PSMC6: variants seen among roughly 807,000 people sequenced by gnomAD.
PSMC6 encodes the protein proteasome 26S subunit, ATPase 6, also known as 26S proteasome regulatory subunit 10B.
Under a neutral mutation model 55.9 loss-of-function variants are expected in PSMC6, and 3 were observed. The ratio of observed to expected loss-of-function variants is 0.05; its 90% CI spans 0.02 to 0.14. The LOEUF is 0.14. Among genes scored for constraint, PSMC6 ranks in the 10% least tolerant of loss-of-function variants. The probability of loss-of-function intolerance (pLI) is 1.00; values close to 1 mark genes in which losing one functional copy is unlikely to be tolerated. For synonymous variants in PSMC6, 137 were observed against 155.9 expected (o/e 0.88, Z 0.90); for missense variants, 210 against 478.7 (o/e 0.44, Z 5.24).
chr14:52,721,083 G>T, intron 11 of PSMC6, 27 bp from the exon 12 acceptor site: 2 of 1,576,950 alleles, frequency 1.3e-6, no homozygotes, highest in South Asian at 2.4e-5. Context: ...GATAAAACTG[G>T]ACTATAAAAT....
At chr14:52,724,694 G>A (rs1056791417) in intron 13 of PSMC6, among the ~76,000 whole-genome samples, 3 of 152,082 alleles carry the variant, frequency 2.0e-5, no homozygotes, top group African/African-American at 7.2e-5. Flanking sequence ...CTTCTACATG[G>A]TATGTAAAAA....
At position 52,714,741 on chromosome 14, in the gene PSMC6, C is replaced by T. The variant is rs540028761; in HGVS notation, c.529+773C>T. Among the ~76,000 whole-genome samples, 12 of 151,896 alleles carry T rather than the reference C, an allele frequency of 7.9e-5. No homozygotes were observed. In the South Asian group the frequency reaches 8.3e-4, roughly 11 times the overall value. On this transcript the variant is annotated intron_variant, in intron 7 of 13. Transcript: ENST00000445930. ...ATGAGCCAGGCGTGGTGGCGTGCAC[C>T]TGTAATCCCAGCTACTCGGGAAGCT...
chr14:52,712,766 G>A (rs1354465991), intron 6 of PSMC6, among the ~76,000 whole-genome samples: 9 of 151,960 alleles, frequency 5.9e-5, no homozygotes, highest in Non-Finnish European at 1.3e-4. Flanking sequence ...GAAGGCATGC[G>A]CCACCACATG....
chr14:52,724,073 AT>A, intron 13 of PSMC6, 37 bp downstream of exon 13: 1 of 1,571,664 alleles, frequency 6.4e-7, no homozygotes, highest in South Asian at 1.1e-5. Flanking sequence ...ATTGATTTTG[AT>A]TTTTAAAATT....
chr14:52,709,825 A>C (rs1224072971), intron 4 of PSMC6: 1 of 214,872 alleles, frequency 4.7e-6, no homozygotes, highest in Non-Finnish European at 9.5e-6. Context: ...TGCTCCGATG[A>C]GCATTTTCTT....
At chr14:52,722,374 CTTT>C (rs76724270) in intron 12 of PSMC6, 4 of 136,774 alleles carry the variant, frequency 2.9e-5, no homozygotes, top group Middle Eastern at 3.9e-3. Flanking sequence ...CCCCCCTGCC[CTTT>C]TTTTTTTTTT....
intron 1 of PSMC6, 114 bp downstream of exon 1, chr14:52,707,418 G>A (rs2041714625): frequency 7.1e-7 from 1 of 1,415,836 alleles, no homozygotes; most frequent in Non-Finnish European, 9.6e-7. Flanking sequence ...ACCAGGCCTA[G>A]GGCCAGGGAC....
At chr14:52,722,702 A>C (rs570960723) in intron 12 of PSMC6, 1 of 152,332 alleles carries the variant, frequency 6.6e-6, no homozygotes, top group African/African-American at 2.4e-5. Context: ...ACTAGGGTGC[A>C]GGCCAGTAAA....
In PSMC6 at chr14:52,727,694, G is replaced by T; in HGVS notation, c.*77G>T. The T allele has an allele frequency of 1.0e-5, 10 of 953,458 alleles. No individual in the cohort carries two copies. The South Asian group carries it at 1.5e-4, about 15-fold the overall frequency. The allele number at this position is 953,458 out of a possible 1,614,324, so 59.1% of individuals were successfully genotyped here. On this transcript the variant is annotated 3_prime_UTR_variant, in exon 14 of 14. Coordinates refer to ENST00000445930, the MANE Select transcript of PSMC6 (RefSeq NM_002806.5). ...AATAAAGTTAAAGAAAATAATGTAT[G>T]TATTGGTAATGATGTCATTAAAAGT...
At chr14:52,723,034 CT>C (rs1414843673) in intron 12 of PSMC6, 13 of 152,276 alleles carry the variant, frequency 8.5e-5, no homozygotes, top group South Asian at 2.1e-4. Flanking sequence ...TTCATTGCCC[CT>C]GTTAGAGAGT....
intron 6 of PSMC6, among the ~76,000 whole-genome samples, chr14:52,711,878 C>T (rs2041776869): frequency 6.6e-6 from 1 of 152,062 alleles, no homozygotes; most frequent in Non-Finnish European, 1.5e-5. Flanking sequence ...GAGTTTTTTC[C>T]ATAACCTCAT....
chr14:52,707,332 C>G, intron 1 of PSMC6, 28 bp downstream of exon 1: 2 of 1,612,914 alleles, frequency 1.2e-6, no homozygotes, highest in Non-Finnish European at 1.7e-6. Context: ...TCCATTTAAT[C>G]AAGTGCCTCG....
chr14:52,718,551 G>T (rs1490263356), intron 9 of PSMC6, 199 bp downstream of exon 9: 1 of 523,538 alleles, frequency 1.9e-6, no homozygotes, highest in Non-Finnish European at 3.3e-6. Context: ...CACTTTGAGA[G>T]GCCAAGGTGG....
intron 5 of PSMC6, 108 bp from the exon 6 acceptor site, chr14:52,711,302 T>G (rs1594847836): frequency 7.9e-7 from 1 of 1,263,866 alleles, no homozygotes; most frequent in Admixed American, 2.0e-5. Context: ...AAGCACATCT[T>G]TATGAGATCA....
At position 52,727,624 on chromosome 14, in the gene PSMC6, G is replaced by C. The variant is rs373582468; in HGVS notation, c.*7G>C. Reference sequence around the variant, plus strand: ...GGACTACAAACCTGTGTAATTTACTGTAAGATTTTTGATGGCTGCATGACA... The same window carrying C: ...GGACTACAAACCTGTGTAATTTACTCTAAGATTTTTGATGGCTGCATGACA... On this transcript the variant is annotated 3_prime_UTR_variant, in exon 14 of 14. Transcript: ENST00000445930. 1.3e-5 allele frequency: 20 copies of C among 1,586,554 alleles called. No individual in the cohort carries two copies. Among genetic ancestry groups the C allele is most frequent in the Admixed American group, 1.7e-5 (1 of 59,562 alleles).
intron 9 of PSMC6, chr14:52,718,571 C>G (rs944849779): frequency 6.3e-6 from 3 of 478,446 alleles, no homozygotes; most frequent in Admixed American, 7.1e-5. Context: ...GGCAGATCAC[C>G]AGGTCAGGAG....
chr14:52,720,861 T>G lies in PSMC6; in HGVS notation c.778T>G (p.Leu260Val). ...AAAATCTGATTCTTAATATTCTTAG[T>G]TACTGAATCAAATGGATGGATTTGA... ...DREIQRTLME[L>V]LNQMDGFDTL... Residue 260 changes from leucine to valine, a missense_variant and splice_region_variant, in exon 11 of 14, where the codon TTA becomes GTA. Coordinates refer to ENST00000445930, the MANE Select transcript of PSMC6 (RefSeq NM_002806.5). 6.3e-7 allele frequency: 1 copy of G among 1,584,938 alleles called. No homozygotes were observed. Among genetic ancestry groups the G allele is most frequent in the East Asian group, 2.3e-5 (1 of 44,438 alleles).
intron 7 of PSMC6, among the ~76,000 whole-genome samples, chr14:52,715,131 TAAAA>T (rs11411181): frequency 4.1e-5 from 6 of 146,656 alleles, no homozygotes; most frequent in Non-Finnish European, 9.0e-5. Flanking sequence ...ACTTGCAGTG[TAAAA>T]AAAAAAAAAG....
intron 7 of PSMC6, among the ~76,000 whole-genome samples, chr14:52,715,668 C>T (rs1330393532): frequency 6.9e-6 from 1 of 145,960 alleles, no homozygotes; most frequent in East Asian, 2.0e-4. Context: ...GGCTGGAGTG[C>T]AGTGGCGTGA....
Sources: gnomAD v4.1 joint callset for allele counts (sites outside exome capture counted in the v4.1 genomes callset) on GRCh38, gnomAD v4.1.1 for gene constraint, MANE v1.5 for transcripts, NCBI Gene and HGNC (gene_info 2026-07-23, HGNC 2026-07-21) for gene names.